Variants in GRIA4 observed in about 807,000 individuals in gnomAD.
GRIA4 encodes glutamate ionotropic receptor AMPA type subunit 4, also known as glutamate receptor 4.
In GRIA4, 34 loss-of-function variants were observed where a neutral mutation model predicts 104.0. That is an observed-to-expected ratio of 0.33 (90% CI 0.25 to 0.44). The LOEUF (loss-of-function observed/expected upper bound fraction) is 0.44. GRIA4 is among the 20% of genes least tolerant of loss of function. The pLI, the probability that GRIA4 is intolerant of heterozygous loss-of-function variation, is 1.00. For synonymous variants in GRIA4, 386 were observed against 381.9 expected, an observed-to-expected ratio of 1.01 and a Z score of -0.13; for missense variants, 750 against 1,096.5, an observed-to-expected ratio of 0.68 and a Z score of 4.46.
chr11:105,911,945 CCTAA>C, intron 10 of GRIA4: 8 of 1,538,284 alleles, frequency 5.2e-6, no homozygotes, highest in African/African-American at 1.4e-5. Flanking sequence ...TTCGACCATT[CCTAA>C]CTAAGGCTCA....
Position 105,890,953 on chromosome 11 carries a change from G to A in GRIA4, c.726+3381G>A, listed in dbSNP as rs192616070. Among the ~76,000 whole-genome samples, 445 of 152,276 alleles carry A rather than the reference G, an allele frequency of 2.9e-3. 1 individual carries two copies. Among genetic ancestry groups the A allele is most frequent in the African/African-American group, 0.01 (428 of 41,560 alleles). On this transcript the variant is annotated intron_variant, in intron 6 of 16. Transcript: ENST00000282499. ...TATGTTTTATTAAACCCATCATCTA[G>A]AGGTACTGGTGAAAGCGTATGATAT... is the stretch of plus-strand genomic sequence containing the variant.
rs180801324 is a variant in GRIA4 at position 105,710,939 on chromosome 11, G to A, written c.248-42042G>A. ...TATTAGGAAACAAAAACTAAATAAG[G>A]TAAGCCCTAGCAATAAAATCTCAGA... On this transcript the variant is annotated intron_variant, in intron 3 of 16. Transcript: ENST00000282499. Among the ~76,000 whole-genome samples the A allele has an allele frequency of 3.3e-5, 5 of 151,148 alleles. No homozygotes were observed. In the Admixed American group the frequency reaches 3.3e-4, roughly 10 times the overall value.
chr11:105,770,892 T>C (rs1306075061), intron 4 of GRIA4, among the ~76,000 whole-genome samples: 2 of 152,048 alleles, frequency 1.3e-5, no homozygotes, highest in Admixed American at 6.6e-5. Context: ...TTCCCTCCTA[T>C]GTTCTTCCTG....
intron 4 of GRIA4, among the ~76,000 whole-genome samples, chr11:105,799,906 C>G (rs1157792805): frequency 6.6e-6 from 1 of 152,092 alleles, no homozygotes; most frequent in Non-Finnish European, 1.5e-5. Flanking sequence ...TAACATTCAG[C>G]TGTTAAGACG....
intron 3 of GRIA4, among the ~76,000 whole-genome samples, chr11:105,622,714 T>C (rs1409408819): frequency 1.3e-5 from 2 of 151,884 alleles, no homozygotes; most frequent in East Asian, 1.9e-4. Flanking sequence ...ATTTATGAGG[T>C]AGAAATGCAA....
chr11:105,709,690 G>C (rs1488677560), intron 3 of GRIA4, among the ~76,000 whole-genome samples: 1 of 152,098 alleles, frequency 6.6e-6, no homozygotes, highest in Non-Finnish European at 1.5e-5. Flanking sequence ...AGACACCCAG[G>C]AGGAGGAGGT....
At chr11:105,900,257 C>CT (rs1294727861) in intron 7 of GRIA4, among the ~76,000 whole-genome samples, 3 of 152,100 alleles carry the variant, frequency 2.0e-5, no homozygotes, top group African/African-American at 7.2e-5. Flanking sequence ...AAAGTGTACT[C>CT]TAAGTGTTTA....
At chr11:105,848,849 A>G (rs1414102435) in intron 4 of GRIA4, among the ~76,000 whole-genome samples, 1 of 152,092 alleles carries the variant, frequency 6.6e-6, no homozygotes, top group Non-Finnish European at 1.5e-5. Context: ...AGCTGTATGG[A>G]GAATGCTGAA....
Position 105,762,770 on chromosome 11 carries a change from C to T in GRIA4, c.487+9550C>T, listed in dbSNP as rs1940728143. On this transcript the variant is annotated intron_variant, in intron 4 of 16. Transcript: ENST00000282499. ...TCTAGCCTCCTGCCATGTAAGATGTCCCTTGCTCTTCTGCCATGATTGTGA... is the reference window on the plus strand; with the variant it reads ...TCTAGCCTCCTGCCATGTAAGATGTTCCTTGCTCTTCTGCCATGATTGTGA... 2.0e-5 allele frequency among the ~76,000 whole-genome samples: 3 copies of T among 152,148 alleles called. No individual in the cohort carries two copies. In the South Asian group the frequency reaches 6.2e-4, roughly 32 times the overall value.
At chr11:105,696,671 C>T (rs1953288233) in intron 3 of GRIA4, among the ~76,000 whole-genome samples, 1 of 152,102 alleles carries the variant, frequency 6.6e-6, no homozygotes. Flanking sequence ...GAAATGTTTG[C>T]ACCTGAAAAG....
rs140151745 is a variant in GRIA4, at chr11:105,774,861, A to G, written c.487+21641A>G. 2.0e-3 allele frequency among the ~76,000 whole-genome samples: 300 copies of G among 152,236 alleles called. 1 individual carries two copies. The highest frequency in any genetic ancestry group is 6.8e-3 in the African/African-American group (283 of 41,560). ...TTATCGACTCTCACAACACATTATCAATATATATTAGTTTTCTATGGATGC... is the reference window on the plus strand; with the variant it reads ...TTATCGACTCTCACAACACATTATCGATATATATTAGTTTTCTATGGATGC... On this transcript the variant is annotated intron_variant, in intron 4 of 16. Transcript: ENST00000282499.
At chr11:105,870,021 C>A (rs1945556709) in intron 5 of GRIA4, among the ~76,000 whole-genome samples, 1 of 151,772 alleles carries the variant, frequency 6.6e-6, no homozygotes, top group African/African-American at 2.4e-5. Context: ...AATTTATTTT[C>A]CATTTTTTAA....
intron 15 of GRIA4, among the ~76,000 whole-genome samples, chr11:105,973,104 G>A (rs149902813): frequency 6.6e-6 from 1 of 152,264 alleles, no homozygotes; most frequent in African/African-American, 2.4e-5. Context: ...AGTCAGACAA[G>A]TGCAAATACT....
At chr11:105,818,447 T>A (rs1267310443) in intron 4 of GRIA4, among the ~76,000 whole-genome samples, 1 of 152,168 alleles carries the variant, frequency 6.6e-6, no homozygotes, top group Non-Finnish European at 1.5e-5. Flanking sequence ...TAACCACTAA[T>A]ACTCACAGGT....
At chr11:105,817,239 A>C (rs55735711) in intron 4 of GRIA4, among the ~76,000 whole-genome samples, 4,510 of 151,454 alleles carry the variant, frequency 0.03, 131 homozygotes, top group African/African-American at 0.076. Context: ...ATTTTTCTCA[A>C]ACTTACTCAG....
At chr11:105,863,641 A>G (rs1325938121) in intron 5 of GRIA4, among the ~76,000 whole-genome samples, 1 of 152,014 alleles carries the variant, frequency 6.6e-6, no homozygotes, top group East Asian at 1.9e-4. Context: ...CCCTGTATTG[A>G]GAGTTTGAGT....
chr11:105,668,239 A>ATACTATAT (rs35278952), intron 3 of GRIA4, among the ~76,000 whole-genome samples: 63,019 of 136,354 alleles, frequency 0.46, 14,773 homozygotes, highest in East Asian at 0.58. Flanking sequence ...ATATATATAT[A>ATACTATAT]TATATATACT....
intron 9 of GRIA4, 115 bp downstream of exon 9, chr11:105,905,416 C>T: frequency 1.6e-6 from 1 of 622,506 alleles, no homozygotes; most frequent in Admixed American, 2.8e-5. Context: ...TGAGTACTTA[C>T]AAATACTTTA....
chr11:105,788,736 C>A (rs1942084474), intron 4 of GRIA4, among the ~76,000 whole-genome samples: 1 of 151,902 alleles, frequency 6.6e-6, no homozygotes, highest in Non-Finnish European at 1.5e-5. Flanking sequence ...ACACTGGGGA[C>A]TCCAAAAGGG....
Sources: gnomAD v4.1 joint callset for allele counts (sites outside exome capture counted in the v4.1 genomes callset) on GRCh38, gnomAD v4.1.1 for gene constraint, MANE v1.5 for transcripts, NCBI Gene and HGNC (gene_info 2026-07-23, HGNC 2026-07-21) for gene names.